Variants in MAP4K4 observed in about 807,000 individuals in gnomAD.
MAP4K4 encodes mitogen-activated protein kinase kinase kinase kinase 4, also known as HPK/GCK-like kinase HGK.
In MAP4K4, 38 loss-of-function variants were observed where a neutral mutation model predicts 189.6. The observed-to-expected ratio is 0.20, with a 90% CI of 0.15 to 0.26. The LOEUF (loss-of-function observed/expected upper bound fraction) is 0.26, where lower values mean the gene tolerates loss of function less well. Ranked by LOEUF, MAP4K4 falls within the 10% of genes least tolerant of loss-of-function variation. The pLI is 1.00. For synonymous variants in MAP4K4, 610 were observed against 624.3 expected (o/e 0.98, Z 0.34); for missense variants, 1,054 against 1,726.9 (o/e 0.61, Z 6.91).
chr2:101,744,923 C>G (rs570822435), intron 2 of MAP4K4, among the ~76,000 whole-genome samples: 7 of 152,142 alleles, frequency 4.6e-5, no homozygotes, highest in African/African-American at 1.7e-4. Flanking sequence ...TAGTAACTTT[C>G]ATGGTGGGAA....
chr2:101,725,941 G>A (rs1001356124), intron 2 of MAP4K4, among the ~76,000 whole-genome samples: 6 of 151,986 alleles, frequency 3.9e-5, no homozygotes, highest in Admixed American at 6.6e-5. Context: ...GCCACTTCAC[G>A]TTTATTTTGG....
chr2:101,880,116 G>A (rs1181733154), intron 27 of MAP4K4, among the ~76,000 whole-genome samples: 1 of 152,170 alleles, frequency 6.6e-6, no homozygotes, highest in African/African-American at 2.4e-5. Flanking sequence ...GTGTTTTGCG[G>A]ATATTTTCTG....
chr2:101,839,852 C>T (rs770884430), exon 10 of MAP4K4: 12 of 1,603,334 alleles, frequency 7.5e-6, no homozygotes, highest in South Asian at 1.1e-5. Context: ...TAGAAGGGTG[C>T]CTGGTGAAGA....
At chr2:101,818,037 G>C (rs2095827317) in intron 3 of MAP4K4, among the ~76,000 whole-genome samples, 1 of 152,062 alleles carries the variant, frequency 6.6e-6, no homozygotes, top group Non-Finnish European at 1.5e-5. Context: ...GTAATGTGAT[G>C]TGCCTATTTG....
At chr2:101,817,163 C>A (rs1472019270) in intron 3 of MAP4K4, among the ~76,000 whole-genome samples, 1 of 152,112 alleles carries the variant, frequency 6.6e-6, no homozygotes, top group East Asian at 1.9e-4. Context: ...ATTGAAGACA[C>A]TTGTACCCAT....
chr2:101,818,594 G>T (rs2095855536), intron 3 of MAP4K4, among the ~76,000 whole-genome samples: 1 of 152,150 alleles, frequency 6.6e-6, no homozygotes, highest in Non-Finnish European at 1.5e-5. Flanking sequence ...ATTTTAAGGG[G>T]TCATTAAAAA....
intron 30 of MAP4K4, 60 bp downstream of exon 30, chr2:101,887,297 T>TCTTTA: frequency 6.5e-7 from 1 of 1,541,984 alleles, no homozygotes; most frequent in Non-Finnish European, 8.8e-7. Context: ...TTGACTTTCT[T>TCTTTA]CTTTACTCTG....
intron 3 of MAP4K4, among the ~76,000 whole-genome samples, chr2:101,805,234 G>A (rs1043513702): frequency 6.6e-5 from 10 of 151,886 alleles, no homozygotes; most frequent in Non-Finnish European, 1.2e-4. Flanking sequence ...GAACTTTGCC[G>A]GTACCCCAGG....
intron 2 of MAP4K4, among the ~76,000 whole-genome samples, chr2:101,780,838 G>A (rs1250573498): frequency 1.3e-5 from 2 of 152,210 alleles, no homozygotes; most frequent in Non-Finnish European, 2.9e-5. Context: ...TTCGTGGTTT[G>A]TATTACCATA....
At chr2:101,838,141 G>C (rs1463303864) in intron 9 of MAP4K4, among the ~76,000 whole-genome samples, 1 of 152,238 alleles carries the variant, frequency 6.6e-6, no homozygotes, top group Non-Finnish European at 1.5e-5. Flanking sequence ...ATACGTTGTA[G>C]ATCATTGATT....
intron 2 of MAP4K4, among the ~76,000 whole-genome samples, chr2:101,749,109 C>T (rs2067189999): frequency 6.7e-6 from 1 of 149,224 alleles, no homozygotes; most frequent in South Asian, 2.1e-4. Flanking sequence ...GATTCAATGC[C>T]ATCCCCATCA....
At chr2:101,840,052 A>G (rs2096869881) in intron 10 of MAP4K4, 58 bp downstream of exon 10, 3 of 1,501,276 alleles carry the variant, frequency 2.0e-6, no homozygotes, top group East Asian at 2.3e-5. Context: ...TTTCTTGCCA[A>G]CTAGAGTAGG....
At chr2:101,890,902 A>G (rs2098556478) in intron 32 of MAP4K4, among the ~76,000 whole-genome samples, 1 of 152,016 alleles carries the variant, frequency 6.6e-6, no homozygotes, top group Non-Finnish European at 1.5e-5. Context: ...CTGGGATTAC[A>G]GGTGTGTGCC....
rs528625697 is a variant in MAP4K4 at position 101,703,867 on chromosome 2, C to T, written c.123+5329C>T. 3.8e-3 allele frequency among the ~76,000 whole-genome samples: 575 copies of T among 151,786 alleles called. 3 individuals are homozygous for T. Among genetic ancestry groups the T allele is most frequent in the Middle Eastern group, 0.014 (4 of 294 alleles). ...CTCTACTAAAAATAGAAAAATTAGCCGGGCGTGGTGGCGCGTGCCTCTAGT... is the reference window on the plus strand; with the variant it reads ...CTCTACTAAAAATAGAAAAATTAGCTGGGCGTGGTGGCGCGTGCCTCTAGT... On this transcript the variant is annotated intron_variant, in intron 2 of 32. Coordinates refer to ENST00000324219, the Ensembl canonical transcript of MAP4K4.
At chr2:101,766,076 G>A (rs1205120523) in intron 2 of MAP4K4, among the ~76,000 whole-genome samples, 1 of 152,188 alleles carries the variant, frequency 6.6e-6, no homozygotes, top group African/African-American at 2.4e-5. Context: ...CACAGACCCA[G>A]TTTTACCTTC....
At chr2:101,718,042 A>T (rs185761935) in intron 2 of MAP4K4, among the ~76,000 whole-genome samples, 56 of 152,220 alleles carry the variant, frequency 3.7e-4, no homozygotes, top group African/African-American at 1.3e-3. Flanking sequence ...AGATCACCTG[A>T]GGTCAGGAGT....
chr2:101,725,508 A>G (rs1317400967), intron 2 of MAP4K4, among the ~76,000 whole-genome samples: 2 of 152,172 alleles, frequency 1.3e-5, no homozygotes, highest in African/African-American at 2.4e-5. Context: ...ATGGTAAGGT[A>G]TGTACCATAC....
chr2:101,888,102 A>C (rs1187423341), intron 31 of MAP4K4, among the ~76,000 whole-genome samples, 165 bp downstream of exon 31: 1 of 152,240 alleles, frequency 6.6e-6, no homozygotes, highest in East Asian at 1.9e-4. Flanking sequence ...CCGTGGAAAT[A>C]GTCATAGGTC....
In MAP4K4 at chr2:101,871,674, A is replaced by G. The variant is rs1265771487; in HGVS notation, c.2941A>G (p.Thr981Ala). The stretch of plus-strand genomic sequence containing the variant: ...CCCACAGACACCCCAGGACAAGCTC[A>G]CTGCTAATGAGGTATGTCTCGCACC... The change falls in exon 24 of 33, where the codon ACT becomes GCT. Residue 981 changes from threonine to alanine, a missense_variant. Thr to Ala is a moderately conservative substitution (Grantham distance 58). Transcript: ENST00000324219. 3.3e-6 allele frequency: 5 copies of G among 1,534,178 alleles called. No individual in the cohort carries two copies. In the East Asian group the frequency reaches 9.8e-5, roughly 30 times the overall value.
Sources: allele counts gnomAD v4.1 joint callset (sites outside exome capture counted in the v4.1 genomes callset), GRCh38; gene constraint gnomAD v4.1.1; transcripts MANE v1.5; gene names NCBI Gene and HGNC (gene_info 2026-07-23, HGNC 2026-07-21).